ABCC8: variants seen among roughly 807,000 people sequenced by gnomAD.
ABCC8 encodes the protein ATP binding cassette subfamily C member 8.
A neutral mutation model predicts 188.0 loss-of-function variants in ABCC8; 137 were observed. That is an observed-to-expected ratio of 0.73 (90% CI 0.63 to 0.84). The LOEUF (loss-of-function observed/expected upper bound fraction) is 0.84. Among genes scored for constraint, ABCC8 ranks in the 40% least tolerant of loss-of-function variants. The pLI is 0.00. For missense variants in ABCC8, 1,750 were observed against 2,072.7 expected (o/e 0.84, Z 3.02); for synonymous variants, 797 against 846.5 (o/e 0.94, Z 1.01).
At position 17,395,200 on chromosome 11, in the gene ABCC8, C is replaced by T. The variant is rs1213863051; in HGVS notation, c.4383G>A (p.Leu1461=). Residue 1461 remains leucine, a synonymous_variant, in exon 36 of 39, where the codon CTG becomes CTA. Transcript: ENST00000389817. ...WEALEIAQLK[L]VVKALPGGLD... is the part of the protein sequence containing the mutation. ...GGCCTCCTGGCAGTGCCTTCACCAC[C>T]AGCTTCAGCTGGGCGATTTCCAGGG... 1.9e-6 allele frequency: 3 copies of T among 1,589,864 alleles called. No individual in the cohort carries two copies. The highest frequency in any genetic ancestry group is 2.3e-5 in the East Asian group (1 of 44,088).
intron 10 of ABCC8, chr11:17,436,022 G>A (rs1334760170): frequency 6.2e-6 from 8 of 1,287,714 alleles, no homozygotes; most frequent in Non-Finnish European, 9.0e-6. Flanking sequence ...GTGATGTGGG[G>A]AGATATGGGA....
chr11:17,444,066 C>G (rs1312959398), intron 8 of ABCC8, among the ~76,000 whole-genome samples: 1 of 152,180 alleles, frequency 6.6e-6, no homozygotes, highest in Non-Finnish European at 1.5e-5. Context: ...GTCCTGTAGT[C>G]CCAGAGCCCT....
intron 8 of ABCC8, among the ~76,000 whole-genome samples, chr11:17,446,974 T>C (rs1158461505): frequency 2.6e-5 from 4 of 152,216 alleles, no homozygotes; most frequent in Non-Finnish European, 5.9e-5. Context: ...GGATCTGATA[T>C]TTACGAAGTG....
intron 7 of ABCC8, among the ~76,000 whole-genome samples, chr11:17,449,169 C>T (rs1162803975): frequency 6.6e-6 from 1 of 152,204 alleles, no homozygotes; most frequent in African/African-American, 2.4e-5. Context: ...CTCAGGAGAT[C>T]CATCCACCTC....
Position 17,397,244 on chromosome 11 carries a change from G to C in ABCC8, c.3937C>G (p.Arg1313Gly). Residue 1313 changes from arginine to glycine, a missense_variant, in exon 32 of 39, where the codon CGC becomes GGC. Arg to Gly is a moderately radical substitution (Grantham distance 125). Coordinates refer to ENST00000389817, the MANE Select transcript of ABCC8 (RefSeq NM_000352.6). ...DMELQLGAVK[R>G]IHGLLKTEAE... The stretch of plus-strand genomic sequence containing the variant: ...TCGGTTTTCAGGAGCCCATGGATGC[G>C]CTTCACAGCCCCCAGCTGGAGCTCC... 6.2e-7 allele frequency: 1 copy of C among 1,613,652 alleles called. No homozygotes were observed. Among genetic ancestry groups the C allele is most frequent in the Non-Finnish European group, 8.5e-7 (1 of 1,180,020 alleles).
At chr11:17,448,779 G>A in intron 7 of ABCC8, 108 bp from the exon 8 acceptor site, 3 of 1,586,594 alleles carry the variant, frequency 1.9e-6, no homozygotes, top group Non-Finnish European at 1.7e-6. Flanking sequence ...CAGTCCCCAT[G>A]GTGCCCTAGA....
chr11:17,433,698 G>A (rs535464524), intron 10 of ABCC8, among the ~76,000 whole-genome samples: 4 of 152,338 alleles, frequency 2.6e-5, no homozygotes, highest in African/African-American at 4.8e-5. Flanking sequence ...CCCCATCCTC[G>A]GGGAATTCCT....
intron 6 of ABCC8, among the ~76,000 whole-genome samples, chr11:17,455,861 C>T (rs948899981): frequency 6.6e-6 from 1 of 151,086 alleles, no homozygotes; most frequent in Non-Finnish European, 1.5e-5. Context: ...ATTGCTTGAA[C>T]CCAGGAGGCA....
At chr11:17,435,434 C>T (rs929827550) in intron 10 of ABCC8, among the ~76,000 whole-genome samples, 2 of 151,996 alleles carry the variant, frequency 1.3e-5, no homozygotes, top group African/African-American at 4.8e-5. Flanking sequence ...GAGAGGCAAG[C>T]TGTAGGCAAA....
intron 4 of ABCC8, among the ~76,000 whole-genome samples, chr11:17,463,189 G>A (rs562404439): frequency 2.0e-5 from 3 of 152,160 alleles, no homozygotes; most frequent in East Asian, 1.9e-4. Flanking sequence ...AAAGTCATCC[G>A]CCAACCTCAG....
chr11:17,444,387 C>T (rs1956442391), intron 8 of ABCC8: 1 of 152,216 alleles, frequency 6.6e-6, no homozygotes, highest in African/African-American at 2.4e-5. Flanking sequence ...GTTCTTCAGC[C>T]AGCTTGGGTT....
chr11:17,431,946 T>A (rs1011104542), intron 11 of ABCC8, among the ~76,000 whole-genome samples: 1 of 152,250 alleles, frequency 6.6e-6, no homozygotes, highest in Admixed American at 6.5e-5. Flanking sequence ...AAAATTTGGA[T>A]AGCTATTTTT....
At chr11:17,409,242 C>A (rs938763473) in intron 22 of ABCC8, among the ~76,000 whole-genome samples, 16 of 152,104 alleles carry the variant, frequency 1.1e-4, no homozygotes, top group Non-Finnish European at 1.8e-4. Context: ...CAGGCATTAG[C>A]CACCGCGCCC....
intron 5 of ABCC8, 186 bp from the exon 6 acceptor site, chr11:17,460,862 C>T: frequency 2.5e-6 from 3 of 1,222,874 alleles, no homozygotes; most frequent in Non-Finnish European, 2.2e-6. Flanking sequence ...GCCCTATCAA[C>T]ACCAACATGG....
intron 10 of ABCC8, among the ~76,000 whole-genome samples, chr11:17,442,289 C>T (rs1157999767): frequency 1.3e-5 from 2 of 152,186 alleles, no homozygotes; most frequent in Admixed American, 1.3e-4. Flanking sequence ...TTTTGCATAG[C>T]CCCAAGTGGA....
intron 2 of ABCC8, among the ~76,000 whole-genome samples, chr11:17,474,200 C>G (rs1039906045): frequency 7.9e-5 from 12 of 152,302 alleles, no homozygotes; most frequent in African/African-American, 2.4e-4. Flanking sequence ...CCTAAGGACC[C>G]AATAAATGTT....
chr11:17,410,828 T>A, intron 21 of ABCC8, 175 bp from the exon 22 acceptor site: 2 of 544,832 alleles, frequency 3.7e-6, no homozygotes, highest in Non-Finnish European at 4.7e-6. Flanking sequence ...TTACCTCATT[T>A]AAAATGGGGC....
In ABCC8 at chr11:17,413,592, T is replaced by C. The variant is rs139233603; in HGVS notation, c.2391-114A>G. The C allele has an allele frequency of 5.0e-4, 798 of 1,604,072 alleles. 5 individuals carry two copies. Among genetic ancestry groups the C allele is most frequent in the Non-Finnish European group, 7.2e-5 (85 of 1,175,490 alleles). On this transcript the variant is annotated intron_variant, in intron 19 of 38. Transcript: ENST00000389817. The stretch of plus-strand genomic sequence containing the variant: ...CTATGCCCAGGGTGAGCAATGGCTT[T>C]AATAGGCCTCCCGCTTGGGTGCAAG...
At chr11:17,466,388 G>A in intron 3 of ABCC8, among the ~76,000 whole-genome samples, 1 of 117,230 alleles carries the variant, frequency 8.5e-6, no homozygotes, top group Non-Finnish European at 1.6e-5. Flanking sequence ...AACAGAGCAA[G>A]ACTCCATCTC....
Sources: gnomAD v4.1 joint callset for allele counts (sites outside exome capture counted in the v4.1 genomes callset) on GRCh38, gnomAD v4.1.1 for gene constraint, MANE v1.5 for transcripts, NCBI Gene and HGNC (gene_info 2026-07-23, HGNC 2026-07-21) for gene names.